Variants in LRRC27 observed in about 807,000 individuals in gnomAD.
The protein encoded by LRRC27 is leucine rich repeat containing 27.
In LRRC27, 57 loss-of-function variants were observed where a neutral mutation model predicts 55.0. That is an observed-to-expected ratio of 1.04 (90% CI 0.84 to 1.29). The LOEUF is 1.29. Among genes scored for constraint, LRRC27 ranks in the 50% most tolerant of loss-of-function variants. The pLI is 0.00. For missense variants in LRRC27, 721 were observed against 651.5 expected, an observed-to-expected ratio of 1.11 and a Z score of -1.16; for synonymous variants, 278 against 251.9, an observed-to-expected ratio of 1.10 and a Z score of -0.98.
chr10:132,341,348 CTG>C (rs1484369653), intron 3 of LRRC27, among the ~76,000 whole-genome samples: 1 of 152,176 alleles, frequency 6.6e-6, no homozygotes, highest in Non-Finnish European at 1.5e-5. Flanking sequence ...GATTGTGTCA[CTG>C]CACTCCAGCC....
At chr10:132,367,111 G>A (rs1287974802) in intron 10 of LRRC27, 3 of 588,654 alleles carry the variant, frequency 5.1e-6, no homozygotes, top group South Asian at 5.7e-5. Flanking sequence ...CACAAAAGTC[G>A]ATTTGGTATT....
rs187179562 is a variant in LRRC27, at chr10:132,365,705, G to A, written c.1416+155G>A. On this transcript the variant is annotated intron_variant, in intron 10 of 10. Transcript: ENST00000368614. ...CAGCCTCCACCTCCCAGGTTCAAGC[G>A]ATTCTCCTGCCTCAGCCTCCCGAGT... Among the ~76,000 whole-genome samples the A allele has an allele frequency of 5.6e-3, 855 of 152,210 alleles. 12 individuals carry two copies. The highest frequency in any genetic ancestry group is 0.019 in the African/African-American group (803 of 41,516).
Position 132,381,155 on chromosome 10 carries a change from C to T in LRRC27, c.*5913C>T, listed in dbSNP as rs977235054. Among the ~76,000 whole-genome samples the T allele has an allele frequency of 6.6e-6, 1 of 152,226 alleles. No homozygotes were observed. Among genetic ancestry groups the T allele is most frequent in the Non-Finnish European group, 1.5e-5 (1 of 68,044 alleles). On this transcript the variant is annotated 3_prime_UTR_variant, in exon 11 of 11. Transcript: ENST00000368614. ...ACAGTGTGGGCAGGCACCATCCAGT[C>T]GGCTGCCAGCATGGCTGGAAAAAGC...
At chr10:132,355,767 A>T in intron 7 of LRRC27, 23 bp from the exon 8 acceptor site, 2 of 1,519,058 alleles carry the variant, frequency 1.3e-6, no homozygotes, top group Non-Finnish European at 1.8e-6. Flanking sequence ...GTAACTTATG[A>T]CATTAACCTT....
intron 9 of LRRC27, 43 bp downstream of exon 9, chr10:132,361,618 C>A: frequency 7.2e-7 from 1 of 1,387,978 alleles, no homozygotes; most frequent in Non-Finnish European, 1.0e-6. Flanking sequence ...AGGGCTCAGC[C>A]AGCCACCCAC....
intron 9 of LRRC27, 76 bp downstream of exon 9, chr10:132,361,651 C>CGAA: frequency 1.9e-6 from 2 of 1,073,932 alleles, no homozygotes; most frequent in Non-Finnish European, 2.9e-6. Flanking sequence ...TTGTTTATTT[C>CGAA]ATGAGCATGC....
At chr10:132,364,493 C>G (rs1305412952) in intron 9 of LRRC27, among the ~76,000 whole-genome samples, 1 of 118,448 alleles carries the variant, frequency 8.4e-6, no homozygotes, top group Non-Finnish European at 1.7e-5. Context: ...ACACTTACAC[C>G]CACCCTTACA....
chr10:132,348,023 C>T lies in LRRC27; in HGVS notation c.593C>T (p.Pro198Leu), dbSNP rs764383789. 12 of 1,612,690 alleles carry T rather than the reference C, an allele frequency of 7.4e-6. No individual in the cohort carries two copies. Among genetic ancestry groups the T allele is most frequent in the East Asian group, 4.5e-5 (2 of 44,882 alleles). The change falls in exon 6 of 11, where the codon CCG (proline) becomes CTG (leucine). Residue 198 changes from proline (P) to leucine (L), a missense_variant. Transcript: ENST00000368614. The surrounding 1 kb of genome is among the most constrained non-coding windows in gnomAD (Gnocchi z 4.2). ...PVREMTLRDLPSPGLELSGDH... is the reference protein window; with the variant it reads ...PVREMTLRDLLSPGLELSGDH... ...AGAGAGATGACCCTCCGTGACCTCC[C>T]GAGCCCAGGACTGGAGTTGTCTGGA...
At chr10:132,339,655 A>G (rs995705189) in intron 3 of LRRC27, among the ~76,000 whole-genome samples, 1 of 152,182 alleles carries the variant, frequency 6.6e-6, no homozygotes, top group Non-Finnish European at 1.5e-5. Flanking sequence ...TGAGGCTGAG[A>G]GTGCTTTGGG....
Position 132,379,456 on chromosome 10 carries a change from C to T in LRRC27, c.*4214C>T, listed in dbSNP as rs2069383980. 6.6e-6 allele frequency: 1 copy of T among 152,468 alleles called. No individual in the cohort carries two copies. Among genetic ancestry groups the T allele is most frequent in the African/African-American group, 2.4e-5 (1 of 41,414 alleles). The allele number at this position is 152,468 out of a possible 1,614,324, so 9.4% of individuals were successfully genotyped here. On this transcript the variant is annotated 3_prime_UTR_variant, in exon 11 of 11. Transcript: ENST00000368614. ...TGGTCTCAGATCCCATCCTGCTCCT[C>T]TCCAGAGTTTCCTCTCACCTCCGTG...
chr10:132,364,373 C>CTCCA (rs2068821425), intron 9 of LRRC27, among the ~76,000 whole-genome samples: 2 of 21,040 alleles, frequency 9.5e-5, no homozygotes, highest in African/African-American at 4.1e-4. Flanking sequence ...GCGCTTACAC[C>CTCCA]CACCCACACT....
intron 2 of LRRC27, chr10:132,337,041 T>A: frequency 7.9e-7 from 1 of 1,273,428 alleles, no homozygotes; most frequent in South Asian, 1.8e-5. Flanking sequence ...TGCTGCTCGC[T>A]GAGGCTTTGT....
chr10:132,351,592 A>G lies in LRRC27; in HGVS notation c.927-15A>G. 1 of 1,608,600 alleles carries G rather than the reference A, an allele frequency of 6.2e-7. No homozygotes were observed. On this transcript the variant is annotated splice_polypyrimidine_tract_variant and intron_variant, in intron 6 of 10. Coordinates refer to ENST00000368614, the MANE Select transcript of LRRC27 (RefSeq NM_030626.3). ...TTTTGTTAAACATTCAGCTAAAAAC[A>G]CTCTGTAATTTTAGAAGGAAGACAG... is the stretch of plus-strand genomic sequence containing the variant.
rs936907895 is a variant in LRRC27, at chr10:132,380,855, C to T, written c.*5613C>T. Among the ~76,000 whole-genome samples the T allele has an allele frequency of 1.3e-5, 2 of 152,178 alleles. No homozygotes were observed. The highest frequency in any genetic ancestry group is 6.5e-5 in the Admixed American group (1 of 15,282). On this transcript the variant is annotated 3_prime_UTR_variant, in exon 11 of 11. Transcript: ENST00000368614. Reference sequence around the variant, plus strand: ...TTCCGTAGATTGAGGTTTACAGCTGCGGTTGCCTACCAATTCAAGATAAAT... The same window carrying T: ...TTCCGTAGATTGAGGTTTACAGCTGTGGTTGCCTACCAATTCAAGATAAAT...
intron 4 of LRRC27, 62 bp from the exon 5 acceptor site, chr10:132,344,436 C>A: frequency 6.7e-7 from 1 of 1,481,640 alleles, no homozygotes; most frequent in Non-Finnish European, 9.2e-7. Flanking sequence ...ATTATTTATT[C>A]CTCATTTTCA....
rs113248339 is a variant in LRRC27 at position 132,364,793 on chromosome 10, C to T, written c.1290-631C>T. ...TTACATCTACCTCCACGCCCACACT[C>T]ACACCCACCCACACTTACACCCACC... On this transcript the variant is annotated intron_variant, in intron 9 of 10. Transcript: ENST00000368614. 1.6e-3 allele frequency among the ~76,000 whole-genome samples: 132 copies of T among 81,056 alleles called. 4 individuals are homozygous for T. The highest frequency in any genetic ancestry group is 8.9e-3 in the Middle Eastern group (1 of 112). The allele number at this position is 81,056 out of a possible 152,430, so 53.2% of individuals were successfully genotyped here.
At chr10:132,359,371 CA>C (rs1242318750) in intron 8 of LRRC27, among the ~76,000 whole-genome samples, 2 of 152,182 alleles carry the variant, frequency 1.3e-5, no homozygotes, top group Non-Finnish European at 2.9e-5. Flanking sequence ...TAAATAAATA[CA>C]ACTCCAGTTT....
chr10:132,332,559 C>T (rs757841550), intron 1 of LRRC27: 1 of 152,224 alleles, frequency 6.6e-6, no homozygotes, highest in Non-Finnish European at 1.5e-5. Flanking sequence ...TGTTGTTTCA[C>T]TTCTGGTTTT....
In LRRC27 at chr10:132,348,513, G is replaced by A. The variant is rs141269063; in HGVS notation, c.926+157G>A. Reference sequence around the variant, plus strand: ...GTGCCGGTCCCAGGTTTAGGGTAACGGGGACCCGCATCAAGCCCGGAGCAT... The same window carrying A: ...GTGCCGGTCCCAGGTTTAGGGTAACAGGGACCCGCATCAAGCCCGGAGCAT... On this transcript the variant is annotated intron_variant, in intron 6 of 10. Transcript: ENST00000368614. This position sits in a 1 kb window ranked among gnomAD's most constrained non-coding sequence, Gnocchi z 4.2. 3.0e-4 allele frequency among the ~76,000 whole-genome samples: 46 copies of A among 152,292 alleles called. No individual in the cohort carries two copies. The highest frequency in any genetic ancestry group is 4.1e-4 in the South Asian group (2 of 4,832).
Sources: gnomAD v4.1 joint callset for allele counts (sites outside exome capture counted in the v4.1 genomes callset) on GRCh38, gnomAD v4.1.1 for gene constraint, Gnocchi (gnomAD v3.1) non-coding constraint, MANE v1.5 for transcripts, NCBI Gene and HGNC (gene_info 2026-07-23, HGNC 2026-07-21) for gene names.